The following CCDC171 variants were observed in gnomAD, a reference collection of about 807,000 sequenced individuals.
The protein encoded by CCDC171 is coiled-coil domain containing 171.
Under a neutral mutation model 168.2 loss-of-function variants are expected in CCDC171, and 177 were observed. The ratio of observed to expected loss-of-function variants is 1.05; its 90% CI spans 0.93 to 1.19. The LOEUF (loss-of-function observed/expected upper bound fraction) is 1.19, where lower values mean the gene tolerates loss of function less well. Among genes scored for constraint, CCDC171 ranks in the 50% most tolerant of loss-of-function variants. The probability of loss-of-function intolerance (pLI) is 0.00; values close to 1 mark genes in which losing one functional copy is unlikely to be tolerated. For missense variants in CCDC171, 1,991 were observed against 1,539.0 expected (o/e 1.29, Z -4.91); for synonymous variants, 687 against 540.8 (o/e 1.27, Z -3.75).
At chr9:15,939,461 A>T (rs1164375796) in intron 25 of CCDC171, among the ~76,000 whole-genome samples, 1 of 151,980 alleles carries the variant, frequency 6.6e-6, no homozygotes, top group South Asian at 2.1e-4. Context: ...GCAATAAAGG[A>T]CATCAGGTAT....
intron 25 of CCDC171, among the ~76,000 whole-genome samples, chr9:15,960,028 C>T (rs1270331497): frequency 6.6e-6 from 1 of 152,136 alleles, no homozygotes; most frequent in Non-Finnish European, 1.5e-5. Context: ...AGACACCAAG[C>T]AGCTCTTGAT....
intron 6 of CCDC171, among the ~76,000 whole-genome samples, chr9:15,603,735 T>C (rs551583608): frequency 6.6e-6 from 1 of 151,538 alleles, no homozygotes; most frequent in South Asian, 2.1e-4. Flanking sequence ...GTCTTTATAG[T>C]AGAATGATTT....
intron 3 of CCDC171, among the ~76,000 whole-genome samples, chr9:15,991,172 G>A (rs1472255724): frequency 3.9e-5 from 6 of 152,030 alleles, no homozygotes; most frequent in African/African-American, 1.5e-4. Context: ...CCACATAATT[G>A]GACGTAAAGC....
chr9:16,019,087 T>A (rs1225937764), intron 3 of CCDC171, among the ~76,000 whole-genome samples: 3 of 152,230 alleles, frequency 2.0e-5, no homozygotes, highest in Admixed American at 2.0e-4. Flanking sequence ...TAACAGTTCC[T>A]TTCAAAGTCC....
At chr9:15,996,407 C>A (rs922536029) in intron 3 of CCDC171, among the ~76,000 whole-genome samples, 1 of 128,934 alleles carries the variant, frequency 7.8e-6, no homozygotes, top group South Asian at 2.6e-4. Flanking sequence ...CTGAATGGGG[C>A]TAGGAGGCTC....
intron 24 of CCDC171, among the ~76,000 whole-genome samples, chr9:15,905,201 C>G (rs1485433540): frequency 6.6e-6 from 1 of 152,180 alleles, no homozygotes; most frequent in East Asian, 1.9e-4. Context: ...CTCTCCACCC[C>G]AAATCAACAG....
chr9:15,788,996 T>G (rs1361520025), intron 21 of CCDC171, among the ~76,000 whole-genome samples: 1 of 151,590 alleles, frequency 6.6e-6, no homozygotes, highest in Non-Finnish European at 1.5e-5. Flanking sequence ...TAAATGCACA[T>G]AAAGGAAATC....
At chr9:15,966,029 T>C (rs1237042678) in intron 25 of CCDC171, among the ~76,000 whole-genome samples, 1 of 152,250 alleles carries the variant, frequency 6.6e-6, no homozygotes, top group African/African-American at 2.4e-5. Context: ...AGGAATCTTA[T>C]TTAGTCCCAG....
At chr9:15,743,930 A>G (rs1033940089) in intron 16 of CCDC171, among the ~76,000 whole-genome samples, 3 of 152,264 alleles carry the variant, frequency 2.0e-5, no homozygotes, top group African/African-American at 7.2e-5. Context: ...GAGGAGTGGA[A>G]GAAGAGAAAT....
intron 21 of CCDC171, among the ~76,000 whole-genome samples, chr9:15,818,941 G>C (rs2059660057): frequency 8.5e-6 from 1 of 117,456 alleles, no homozygotes; most frequent in African/African-American, 3.2e-5. Context: ...GGCAGCCAGA[G>C]AGAAAGGTTG....
chr9:15,647,023 C>G (rs1432965773), intron 7 of CCDC171, among the ~76,000 whole-genome samples: 1 of 152,090 alleles, frequency 6.6e-6, no homozygotes, highest in Non-Finnish European at 1.5e-5. Flanking sequence ...TCAGCAAATG[C>G]AAAAGAACAG....
At chr9:15,799,148 A>G (rs916419993) in intron 21 of CCDC171, among the ~76,000 whole-genome samples, 7 of 143,710 alleles carry the variant, frequency 4.9e-5, no homozygotes, top group African/African-American at 1.8e-4. Context: ...ATATATATAT[A>G]TATATATATA....
At chr9:15,643,177 C>T (rs1038642028) in intron 7 of CCDC171, among the ~76,000 whole-genome samples, 3 of 151,878 alleles carry the variant, frequency 2.0e-5, no homozygotes, top group Non-Finnish European at 4.4e-5. Context: ...CTTTTAAAAT[C>T]ATTTATTCTC....
chr9:15,619,113 C>T (rs1242001942), intron 6 of CCDC171, among the ~76,000 whole-genome samples: 1 of 152,228 alleles, frequency 6.6e-6, no homozygotes, highest in East Asian at 1.9e-4. Context: ...CCAACTCTCC[C>T]TCTCGTCTGG....
At chr9:15,643,299 A>C (rs2046783561) in intron 7 of CCDC171, among the ~76,000 whole-genome samples, 2 of 152,136 alleles carry the variant, frequency 1.3e-5, no homozygotes, top group African/African-American at 4.8e-5. Flanking sequence ...AAGGGCAAGA[A>C]CCTTATCCTT....
At chr9:15,659,573 C>T (rs368139067) in intron 8 of CCDC171, among the ~76,000 whole-genome samples, 2 of 152,180 alleles carry the variant, frequency 1.3e-5, no homozygotes, top group South Asian at 2.1e-4. Flanking sequence ...TTTAGCTGGT[C>T]AGTTATTACA....
chr9:16,004,184 A>G (rs1832635234), intron 3 of CCDC171, among the ~76,000 whole-genome samples: 1 of 151,096 alleles, frequency 6.6e-6, no homozygotes, highest in African/African-American at 2.4e-5. Context: ...TTTGCCTTTC[A>G]ACACTGCACA....
Position 15,591,247 on chromosome 9 carries a change from G to A in CCDC171, c.353-119G>A. Reference sequence around the variant, plus strand: ...TTCAAGAGTTTACTGTAATGGAAAGGTTAAATGTTTTATCCTAAGATCATG... The same window carrying A: ...TTCAAGAGTTTACTGTAATGGAAAGATTAAATGTTTTATCCTAAGATCATG... On this transcript the variant is annotated intron_variant, in intron 4 of 25. Coordinates refer to ENST00000380701, the MANE Select transcript of CCDC171 (RefSeq NM_173550.4). 4 of 620,942 alleles carry A rather than the reference G, an allele frequency of 6.4e-6. No homozygotes were observed. The South Asian group carries it at 8.5e-5, about 13-fold the overall frequency. The allele number at this position is 620,942 out of a possible 1,614,324, so 38.5% of individuals were successfully genotyped here. A position where few individuals can be genotyped will look rare whatever the true frequency, so the allele number is the denominator to read the frequency against.
intron 17 of CCDC171, 37 bp from the exon 18 acceptor site, chr9:15,745,478 T>C: frequency 7.8e-7 from 1 of 1,286,024 alleles, no homozygotes; most frequent in Non-Finnish European, 1.1e-6. Context: ...TAATAAAGTT[T>C]TGTAGAATTT....
Sources: gnomAD v4.1 joint callset for allele counts (sites outside exome capture counted in the v4.1 genomes callset) on GRCh38, gnomAD v4.1.1 for gene constraint, MANE v1.5 for transcripts, NCBI Gene and HGNC (gene_info 2026-07-23, HGNC 2026-07-21) for gene names.